KLF8: variants seen among roughly 807,000 people sequenced by gnomAD.
The protein encoded by KLF8 is Krueppel-like factor 8.
KLF8 carries 10 observed loss-of-function variants against 18.2 expected under a neutral mutation model. That is an observed-to-expected ratio of 0.55 (90% CI 0.34 to 0.93). The LOEUF (loss-of-function observed/expected upper bound fraction) is 0.93, where lower values mean the gene tolerates loss of function less well. KLF8 is among the 40% of genes least tolerant of loss of function. The probability of loss-of-function intolerance (pLI) is 0.02; values close to 1 mark genes in which losing one functional copy is unlikely to be tolerated. For missense variants in KLF8, 264 were observed against 277.9 expected (o/e 0.95, Z 0.36); for synonymous variants, 109 against 97.3 (o/e 1.12, Z -0.71).
chrX:56,100,988 T>A, the KLF8 span, among the ~76,000 whole-genome samples: 14 of 111,693 alleles, frequency 1.3e-4, no homozygotes, highest in Non-Finnish European at 2.3e-4. Flanking sequence ...TTATTTTACA[T>A]TCAGGGGGTA....
In KLF8 at chrX:56,251,527, A is replaced by G. The variant is rs1187945587; in HGVS notation, c.81+1223A>G. Among the ~76,000 whole-genome samples the G allele has an allele frequency of 3.6e-5, 4 of 110,794 alleles. No individual in the cohort carries two copies. In the South Asian group the frequency reaches 1.1e-3, roughly 31 times the overall value. On this transcript the variant is annotated intron_variant, in intron 2 of 5. Transcript: ENST00000468660. ...ACCCAGGATGGAGTGCAGTGGCACA[A>G]TCTTGGCTCACTGCATCCTCTGCCT...
chrX:55,993,257 T>G, the KLF8 span, among the ~76,000 whole-genome samples: 2 of 111,756 alleles, frequency 1.8e-5, no homozygotes, highest in African/African-American at 6.5e-5. Flanking sequence ...GCTGTTATTA[T>G]TTTGACGTGT....
At chrX:56,224,766 C>T in the KLF8 span, among the ~76,000 whole-genome samples, 1 of 111,743 alleles carries the variant, frequency 8.9e-6, no homozygotes, top group Admixed American at 9.5e-5. Context: ...GCTCTTATAA[C>T]AAAATACCCC....
the KLF8 span, among the ~76,000 whole-genome samples, chrX:55,949,043 C>T: frequency 8.9e-6 from 1 of 112,022 alleles, no homozygotes; most frequent in Non-Finnish European, 1.9e-5. Context: ...AATAAATTAT[C>T]TTCTATGATA....
the KLF8 span, among the ~76,000 whole-genome samples, chrX:56,127,044 T>A: frequency 9.0e-6 from 1 of 110,564 alleles, no homozygotes. Flanking sequence ...TGAACCACCA[T>A]GCCTGGCCTA....
chrX:55,963,870 A>G, the KLF8 span, among the ~76,000 whole-genome samples: 1 of 112,198 alleles, frequency 8.9e-6, no homozygotes, highest in African/African-American at 3.2e-5. Flanking sequence ...GCACTTGGCC[A>G]TAAGGCAATT....
chrX:56,056,710 T>A, the KLF8 span, among the ~76,000 whole-genome samples: 1 of 94,904 alleles, frequency 1.1e-5, no homozygotes, highest in Non-Finnish European at 2.1e-5. Context: ...GATGACGAGT[T>A]AGTGGGTGCA....
At chrX:56,187,384 C>G in the KLF8 span, among the ~76,000 whole-genome samples, 6 of 111,439 alleles carry the variant, frequency 5.4e-5, no homozygotes, top group South Asian at 1.1e-3. Context: ...ATAATCAATA[C>G]CTTACCAACC....
At chrX:56,198,848 G>A in the KLF8 span, among the ~76,000 whole-genome samples, 1 of 111,559 alleles carries the variant, frequency 9.0e-6, no homozygotes, top group African/African-American at 3.3e-5. Flanking sequence ...TATACTACAA[G>A]GCTACAGTAA....
At chrX:56,079,338 T>G in the KLF8 span, among the ~76,000 whole-genome samples, 1 of 111,215 alleles carries the variant, frequency 9.0e-6, no homozygotes, top group Non-Finnish European at 1.9e-5. Flanking sequence ...TCTGGTATGT[T>G]GTGTCTTTGT....
the KLF8 span, among the ~76,000 whole-genome samples, chrX:56,051,323 G>T: frequency 0.52 from 56,427 of 107,487 alleles, 13,622 homozygotes; most frequent in East Asian, 0.76. Flanking sequence ...GATGTTAGCT[G>T]GTTATTTTGC....
At chrX:56,202,215 A>C in the KLF8 span, among the ~76,000 whole-genome samples, 2 of 109,167 alleles carry the variant, frequency 1.8e-5, no homozygotes, top group Non-Finnish European at 3.8e-5. Context: ...TTTTTTTTTC[A>C]CATTGCATGA....
chrX:56,224,130 A>G, the KLF8 span, among the ~76,000 whole-genome samples: 447 of 110,782 alleles, frequency 4.0e-3, no homozygotes, highest in African/African-American at 0.014. Context: ...TGGAATGGTA[A>G]ATTTTAGCTG....
At chrX:55,924,195 G>A in the KLF8 span, among the ~76,000 whole-genome samples, 3 of 110,660 alleles carry the variant, frequency 2.7e-5, no homozygotes, top group Non-Finnish European at 3.8e-5. Flanking sequence ...TCAGCCTCCC[G>A]AGTAGCTAAG....
At chrX:55,920,852 G>C in the KLF8 span, among the ~76,000 whole-genome samples, 1 of 111,823 alleles carries the variant, frequency 8.9e-6, no homozygotes, top group African/African-American at 3.2e-5. Context: ...CATATTTGAG[G>C]GAATAATCAA....
At chrX:55,941,879 G>T in the KLF8 span, among the ~76,000 whole-genome samples, 1 of 111,787 alleles carries the variant, frequency 8.9e-6, no homozygotes, top group African/African-American at 3.3e-5. Flanking sequence ...AGGTGCTGGA[G>T]AGGATGTGGA....
At chrX:55,967,405 C>T in the KLF8 span, among the ~76,000 whole-genome samples, 1 of 110,573 alleles carries the variant, frequency 9.0e-6, no homozygotes, top group Non-Finnish European at 1.9e-5. Flanking sequence ...GCTCCAATAC[C>T]TCTGGAAGCA....
At chrX:56,010,152 A>G in the KLF8 span, among the ~76,000 whole-genome samples, 5 of 111,367 alleles carry the variant, frequency 4.5e-5, no homozygotes, top group East Asian at 2.8e-4. Flanking sequence ...CCCAAGACAC[A>G]TAATCATCAG....
At chrX:56,011,018 A>G in the KLF8 span, among the ~76,000 whole-genome samples, 1 of 112,177 alleles carries the variant, frequency 8.9e-6, no homozygotes, top group African/African-American at 3.2e-5. Context: ...ACACAATAAT[A>G]CTGGGAGAGT....
Sources: allele counts gnomAD v4.1 joint callset (sites outside exome capture counted in the v4.1 genomes callset), GRCh38; gene constraint gnomAD v4.1.1; transcripts MANE v1.5; gene names NCBI Gene and HGNC (gene_info 2026-07-23, HGNC 2026-07-21).